SDK1: variants seen among roughly 807,000 people sequenced by gnomAD.
SDK1 encodes sidekick cell adhesion molecule 1, also known as protein sidekick-1.
SDK1 carries 157 observed loss-of-function variants against 245.5 expected under a neutral mutation model. The ratio of observed to expected loss-of-function variants is 0.64; its 90% CI spans 0.56 to 0.73. SDK1 has a LOEUF of 0.73. SDK1 is among the 30% of genes least tolerant of loss of function. SDK1 has a pLI of 0.00. For synonymous variants in SDK1, 1,647 were observed against 1,278.5 expected, an observed-to-expected ratio of 1.29 and a Z score of -6.15; for missense variants, 3,583 against 3,002.3, an observed-to-expected ratio of 1.19 and a Z score of -4.52.
chr7:3,423,701 A>G (rs1211418400), intron 1 of SDK1, among the ~76,000 whole-genome samples: 1 of 152,060 alleles, frequency 6.6e-6, no homozygotes, highest in Non-Finnish European at 1.5e-5. Context: ...TTGATATCTG[A>G]ATGGATTAGG....
intron 1 of SDK1, among the ~76,000 whole-genome samples, chr7:3,349,127 C>T (rs1191782302): frequency 6.6e-6 from 1 of 152,060 alleles, no homozygotes; most frequent in Non-Finnish European, 1.5e-5. Context: ...TGCTCCTCTC[C>T]TACTTCTGCT....
chr7:3,399,020 G>A (rs1352973038), intron 1 of SDK1, among the ~76,000 whole-genome samples: 2 of 152,014 alleles, frequency 1.3e-5, no homozygotes, highest in Non-Finnish European at 1.5e-5. Flanking sequence ...CTCTTTACAT[G>A]TTGCAACAGA....
chr7:4,096,371 C>G (rs1395777558), intron 22 of SDK1, among the ~76,000 whole-genome samples: 1 of 152,052 alleles, frequency 6.6e-6, no homozygotes, highest in Non-Finnish European at 1.5e-5. Flanking sequence ...GAACTTTAGG[C>G]ACCTTAGCAA....
chr7:3,398,045 G>C (rs950429022), intron 1 of SDK1, among the ~76,000 whole-genome samples: 1 of 152,078 alleles, frequency 6.6e-6, no homozygotes, highest in African/African-American at 2.4e-5. Flanking sequence ...TAGGTCTTCA[G>C]TGTGAGGTTT....
At chr7:3,610,783 C>T (rs1781563003) in intron 1 of SDK1, among the ~76,000 whole-genome samples, 1 of 152,290 alleles carries the variant, frequency 6.6e-6, no homozygotes, top group Admixed American at 6.5e-5. Flanking sequence ...TTTGACTTCC[C>T]CACTGGCTGA....
intron 1 of SDK1, among the ~76,000 whole-genome samples, chr7:3,461,409 C>T (rs1476906304): frequency 6.6e-6 from 1 of 152,076 alleles, no homozygotes; most frequent in Admixed American, 6.6e-5. Context: ...TAGATAACAC[C>T]CACATCTTCC....
rs1268364031 is a variant in SDK1 at position 3,341,786 on chromosome 7, C to T, written c.298+39902C>T. Among the ~76,000 whole-genome samples the T allele has an allele frequency of 2.6e-5, 4 of 152,266 alleles. No homozygotes were observed. In the East Asian group the frequency reaches 5.8e-4, roughly 22 times the overall value. ...AAAACTGATGAAACAAATCAGAGGA[C>T]CCAAATGTTGCCACAAACCATATTG... On this transcript the variant is annotated intron_variant, in intron 1 of 44. Coordinates refer to ENST00000404826, the MANE Select transcript of SDK1 (RefSeq NM_152744.4).
intron 1 of SDK1, among the ~76,000 whole-genome samples, chr7:3,307,626 C>G (rs1197408553): frequency 6.6e-6 from 1 of 152,186 alleles, no homozygotes; most frequent in Non-Finnish European, 1.5e-5. Context: ...GAAACTCATT[C>G]CATCAGCCTG....
At chr7:3,930,154 C>G (rs921183556) in intron 5 of SDK1, among the ~76,000 whole-genome samples, 2 of 152,136 alleles carry the variant, frequency 1.3e-5, no homozygotes, top group African/African-American at 4.8e-5. Context: ...TCTGGAGTGA[C>G]ACCCACTGAG....
intron 18 of SDK1, among the ~76,000 whole-genome samples, chr7:4,051,193 G>A (rs1033768399): frequency 8.8e-5 from 12 of 136,458 alleles, no homozygotes; most frequent in Non-Finnish European, 6.1e-5. Context: ...TTATATATGT[G>A]TATATATTAT....
At chr7:3,725,609 A>G (rs1385206638) in intron 4 of SDK1, among the ~76,000 whole-genome samples, 1 of 152,140 alleles carries the variant, frequency 6.6e-6, no homozygotes, top group Non-Finnish European at 1.5e-5. Context: ...TAAACCATAC[A>G]TAGAGAGACA....
chr7:3,943,027 C>T (rs114191935), intron 5 of SDK1, among the ~76,000 whole-genome samples: 2,311 of 152,236 alleles, frequency 0.015, 60 homozygotes, highest in African/African-American at 0.048. Flanking sequence ...TGTCCCTGTT[C>T]GAGCTGGCTG....
chr7:3,838,803 T>C (rs1780088208), intron 5 of SDK1, among the ~76,000 whole-genome samples: 1 of 152,136 alleles, frequency 6.6e-6, no homozygotes, highest in Non-Finnish European at 1.5e-5. Context: ...ATGTTTGCAC[T>C]CTTGTCTTTC....
At position 4,026,046 on chromosome 7, in the gene SDK1, C is replaced by T. The variant is rs575594476; in HGVS notation, c.2602+8694C>T. 4.6e-5 allele frequency among the ~76,000 whole-genome samples: 7 copies of T among 152,342 alleles called. No homozygotes were observed. Among genetic ancestry groups the T allele is most frequent in the Non-Finnish European group, 8.8e-5 (6 of 68,034 alleles). On this transcript the variant is annotated intron_variant, in intron 17 of 44. Transcript: ENST00000404826. This position sits in a 1 kb window ranked among gnomAD's most constrained non-coding sequence, Gnocchi z 4.1. ...CATGGGGAAATTAGGTCCACGAACGCGTCCCCAGCGTTGGGGAGGTATGCC... is the reference window on the plus strand; with the variant it reads ...CATGGGGAAATTAGGTCCACGAACGTGTCCCCAGCGTTGGGGAGGTATGCC...
chr7:3,785,188 G>A (rs1404640211), intron 4 of SDK1, among the ~76,000 whole-genome samples: 8 of 152,096 alleles, frequency 5.3e-5, no homozygotes, highest in African/African-American at 1.7e-4. Context: ...AATGGTTATC[G>A]AGGCTGGAGG....
chr7:3,929,244 T>A (rs1466463680), intron 5 of SDK1, among the ~76,000 whole-genome samples: 1 of 152,230 alleles, frequency 6.6e-6, no homozygotes, highest in Non-Finnish European at 1.5e-5. Flanking sequence ...CACTGATTAT[T>A]TTGACTTGAT....
chr7:4,214,072 CAG>C (rs898018436), intron 38 of SDK1, among the ~76,000 whole-genome samples: 4 of 152,162 alleles, frequency 2.6e-5, no homozygotes, highest in East Asian at 3.9e-4. Context: ...CTCCCGCAGA[CAG>C]AGAGATTGGG....
chr7:3,781,318 A>G (rs968025177), intron 4 of SDK1, among the ~76,000 whole-genome samples: 5 of 152,054 alleles, frequency 3.3e-5, no homozygotes, highest in Non-Finnish European at 5.9e-5. Flanking sequence ...CCCACCTGAC[A>G]TCAGAGCAAA....
At position 3,689,164 on chromosome 7, in the gene SDK1, C is replaced by G. The variant is rs115803633; in HGVS notation, c.713+47059C>G. Reference sequence around the variant, plus strand: ...AACCCTAACTGTTTGCTATCTGGCCCTTTACAGAAAATGCTTGCCACCCTC... The same window carrying G: ...AACCCTAACTGTTTGCTATCTGGCCGTTTACAGAAAATGCTTGCCACCCTC... On this transcript the variant is annotated intron_variant, in intron 4 of 44. Coordinates refer to ENST00000404826, the MANE Select transcript of SDK1 (RefSeq NM_152744.4). 7.6e-3 allele frequency among the ~76,000 whole-genome samples: 1,158 copies of G among 152,282 alleles called. 17 individuals are homozygous for G. Among genetic ancestry groups the G allele is most frequent in the African/African-American group, 0.026 (1,096 of 41,556 alleles).
Sources: gnomAD v4.1 joint callset for allele counts (sites outside exome capture counted in the v4.1 genomes callset) on GRCh38, gnomAD v4.1.1 for gene constraint, Gnocchi (gnomAD v3.1) non-coding constraint, MANE v1.5 for transcripts, NCBI Gene and HGNC (gene_info 2026-07-23, HGNC 2026-07-21) for gene names.